Variants in GALNT14 observed in about 807,000 individuals in gnomAD.
GALNT14 encodes polypeptide N-acetylgalactosaminyltransferase 14, also known as UDP-GalNAc:polypeptide N-acetylgalactosaminyltransferase 14.
GALNT14 carries 60 observed loss-of-function variants against 77.5 expected under a neutral mutation model. The ratio of observed to expected loss-of-function variants is 0.77; its 90% CI spans 0.63 to 0.96. GALNT14 has a LOEUF of 0.96. Among genes scored for constraint, GALNT14 ranks in the 40% least tolerant of loss-of-function variants. The probability of loss-of-function intolerance (pLI) is 0.00; values close to 1 mark genes in which losing one functional copy is unlikely to be tolerated. For missense variants in GALNT14, 710 were observed against 731.0 expected (o/e 0.97, Z 0.33); for synonymous variants, 280 against 281.7 (o/e 0.99, Z 0.06).
At position 31,125,288 on chromosome 2, in the gene GALNT14, C is replaced by A; in HGVS notation, c.129+12670G>T. 5 of 1,457,292 alleles carry A rather than the reference C, an allele frequency of 3.4e-6. No homozygotes were observed. The South Asian group carries it at 3.7e-5, about 11-fold the overall frequency. The allele number at this position is 1,457,292 out of a possible 1,614,324, so 90.3% of individuals were successfully genotyped here. A position where few individuals can be genotyped will look rare whatever the true frequency, so the allele number is the denominator to read the frequency against. On this transcript the variant is annotated intron_variant, in intron 1 of 14. Coordinates refer to ENST00000349752, the MANE Select transcript of GALNT14 (RefSeq NM_024572.4). Reference sequence around the variant, plus strand: ...CCACAAGAAAGAAGAGCAACATGGTCATTTCTTTGGCAATTAATAGCAGCA... The same window carrying A: ...CCACAAGAAAGAAGAGCAACATGGTAATTTCTTTGGCAATTAATAGCAGCA...
chr2:31,012,384 C>G (rs1227385633), intron 1 of GALNT14, among the ~76,000 whole-genome samples: 1 of 152,118 alleles, frequency 6.6e-6, no homozygotes, highest in Non-Finnish European at 1.5e-5. Context: ...ATGGCAGCAC[C>G]TATAGTTACC....
chr2:30,936,443 G>A (rs571595469), intron 9 of GALNT14, among the ~76,000 whole-genome samples: 78 of 152,030 alleles, frequency 5.1e-4, no homozygotes, highest in Non-Finnish European at 4.1e-4. Flanking sequence ...ATTACACGTG[G>A]GTACTACATT....
intron 9 of GALNT14, among the ~76,000 whole-genome samples, chr2:30,933,874 A>G (rs1665894860): frequency 6.6e-6 from 1 of 152,232 alleles, no homozygotes; most frequent in South Asian, 2.1e-4. Context: ...GTCAGCATCA[A>G]ATCAAATAGA....
intron 1 of GALNT14, among the ~76,000 whole-genome samples, chr2:31,012,438 C>A (rs1374166574): frequency 1.3e-5 from 2 of 152,156 alleles, no homozygotes; most frequent in Non-Finnish European, 2.9e-5. Context: ...GTCCTGGAGG[C>A]AGGAGTGTGG....
At chr2:30,991,334 T>A (rs988063552) in intron 2 of GALNT14, 1 of 151,266 alleles carries the variant, frequency 6.6e-6, no homozygotes, top group South Asian at 2.1e-4. Context: ...TCCTGTCTCC[T>A]GTCTCCTCCC....
At chr2:30,993,413 G>A (rs914675873) in intron 1 of GALNT14, among the ~76,000 whole-genome samples, 7 of 152,208 alleles carry the variant, frequency 4.6e-5, no homozygotes, top group Non-Finnish European at 8.8e-5. Context: ...CCCAACCCCA[G>A]AGGCCATCTC....
In GALNT14 at chr2:31,115,540, G is replaced by A. The variant is rs549919518; in HGVS notation, c.129+22418C>T. On this transcript the variant is annotated intron_variant, in intron 1 of 14. Coordinates refer to ENST00000349752, the MANE Select transcript of GALNT14 (RefSeq NM_024572.4). Reference sequence around the variant, plus strand: ...AAATCTAATTAGGTAATATTAAAGTGACTGGAAACAGGTAATGGAAGTGAC... The same window carrying A: ...AAATCTAATTAGGTAATATTAAAGTAACTGGAAACAGGTAATGGAAGTGAC... Among the ~76,000 whole-genome samples, 43 of 152,308 alleles carry A rather than the reference G, an allele frequency of 2.8e-4. 1 individual carries two copies. In the South Asian group the frequency reaches 8.3e-3, roughly 29 times the overall value.
intron 6 of GALNT14, among the ~76,000 whole-genome samples, chr2:30,950,548 C>T (rs1042127688): frequency 4.6e-5 from 7 of 152,332 alleles, no homozygotes; most frequent in African/African-American, 1.4e-4. Flanking sequence ...CACAGGCTGA[C>T]TCACGCCCTC....
intron 1 of GALNT14, among the ~76,000 whole-genome samples, chr2:31,012,269 C>A (rs1671079730): frequency 6.6e-6 from 1 of 152,164 alleles, no homozygotes; most frequent in African/African-American, 2.4e-5. Context: ...TCTGGCTTAA[C>A]CCTGGTTCCC....
intron 6 of GALNT14, among the ~76,000 whole-genome samples, chr2:30,955,288 A>T (rs1667292983): frequency 2.0e-5 from 3 of 152,112 alleles, no homozygotes. Flanking sequence ...CCATTCTGGA[A>T]CCTTCTGCTC....
intron 1 of GALNT14, among the ~76,000 whole-genome samples, chr2:31,017,566 A>C (rs1452377595): frequency 2.0e-5 from 3 of 152,204 alleles, no homozygotes; most frequent in Non-Finnish European, 4.4e-5. Context: ...CCAAGTATTG[A>C]GTCAGGGGAG....
chr2:30,930,562 A>T (rs1665665619), intron 10 of GALNT14, among the ~76,000 whole-genome samples: 1 of 152,352 alleles, frequency 6.6e-6, no homozygotes, highest in South Asian at 2.1e-4. Context: ...GAGAGAAAAG[A>T]TGTCAGAAAA....
chr2:30,947,158 A>G (rs1314605423), intron 6 of GALNT14, among the ~76,000 whole-genome samples: 1 of 152,040 alleles, frequency 6.6e-6, no homozygotes, highest in Non-Finnish European at 1.5e-5. Flanking sequence ...GGACTCCTAA[A>G]CCCGACCCCA....
At chr2:30,973,806 G>A (rs953569028) in intron 2 of GALNT14, among the ~76,000 whole-genome samples, 1 of 152,096 alleles carries the variant, frequency 6.6e-6, no homozygotes, top group Non-Finnish European at 1.5e-5. Context: ...TGCCTCAATA[G>A]CCACCCTCAC....
intron 1 of GALNT14, among the ~76,000 whole-genome samples, chr2:31,065,757 C>T (rs959608369): frequency 2.0e-5 from 3 of 152,142 alleles, no homozygotes; most frequent in Admixed American, 6.5e-5. Context: ...TTGAGATAGA[C>T]CATAACTAAC....
intron 6 of GALNT14, 68 bp downstream of exon 6, chr2:30,955,550 T>C: frequency 1.3e-6 from 2 of 1,567,946 alleles, no homozygotes; most frequent in East Asian, 2.2e-5. Context: ...TGTGAAGTAA[T>C]GAGCTTGAGA....
rs1293379854 is a variant in GALNT14, at chr2:31,039,125, T to C, written c.130-46118A>G. Among the ~76,000 whole-genome samples, 5 of 152,346 alleles carry C rather than the reference T, an allele frequency of 3.3e-5. No homozygotes were observed. The East Asian group carries it at 7.7e-4, about 24-fold the overall frequency. On this transcript the variant is annotated intron_variant, in intron 1 of 14. Transcript: ENST00000349752. ...ATTTCTAGAGTTAAAAAAAATGATT[T>C]TGACAATTTTTGCCAGTGTTCTTGT... is the stretch of plus-strand genomic sequence containing the variant.
intron 1 of GALNT14, among the ~76,000 whole-genome samples, chr2:31,112,469 G>C (rs143532018): frequency 2.0e-5 from 3 of 152,280 alleles, no homozygotes; most frequent in African/African-American, 7.2e-5. Flanking sequence ...ACAGCACCAG[G>C]CACACTGTTT....
intron 1 of GALNT14, among the ~76,000 whole-genome samples, chr2:31,096,309 G>T (rs1677002353): frequency 6.6e-6 from 1 of 152,156 alleles, no homozygotes; most frequent in Non-Finnish European, 1.5e-5. Context: ...ATTAGGATGT[G>T]CACAACTTTG....
Sources: allele counts gnomAD v4.1 joint callset (sites outside exome capture counted in the v4.1 genomes callset), GRCh38; gene constraint gnomAD v4.1.1; transcripts MANE v1.5; gene names NCBI Gene and HGNC (gene_info 2026-07-23, HGNC 2026-07-21).